The following RAD51B variants were observed in gnomAD, a reference collection of about 807,000 sequenced individuals.
RAD51B encodes RAD51 paralog B.
RAD51B carries 38 observed loss-of-function variants against 42.2 expected under a neutral mutation model. The observed-to-expected ratio is 0.90, with a 90% CI of 0.70 to 1.18. RAD51B has a LOEUF of 1.18. Ranked by LOEUF, RAD51B falls within the 50% of genes most tolerant of loss-of-function variation. The probability of loss-of-function intolerance (pLI) is 0.00; values close to 1 mark genes in which losing one functional copy is unlikely to be tolerated. For synonymous variants in RAD51B, 154 were observed against 145.2 expected, an observed-to-expected ratio of 1.06 and a Z score of -0.43; for missense variants, 373 against 400.7, an observed-to-expected ratio of 0.93 and a Z score of 0.59.
At chr14:68,314,331 T>C (rs1360049795) in intron 8 of RAD51B, among the ~76,000 whole-genome samples, 1 of 152,034 alleles carries the variant, frequency 6.6e-6, no homozygotes, top group Non-Finnish European at 1.5e-5. Context: ...TGCCCGAATG[T>C]CTCTCAGTGG....
intron 10 of RAD51B, among the ~76,000 whole-genome samples, chr14:68,517,284 G>C (rs1886230351): frequency 6.6e-6 from 1 of 151,884 alleles, no homozygotes; most frequent in Non-Finnish European, 1.5e-5. Context: ...GGAGAGGAGG[G>C]GAGGAGAGAA....
At chr14:68,258,070 A>G (rs956264428) in intron 7 of RAD51B, among the ~76,000 whole-genome samples, 1 of 152,128 alleles carries the variant, frequency 6.6e-6, no homozygotes, top group African/African-American at 2.4e-5. Context: ...CCTTCTAATG[A>G]TGAGGTATCT....
rs543138924 is a variant in RAD51B at position 68,229,839 on chromosome 14, C to G, written c.757-62045C>G. Among the ~76,000 whole-genome samples the G allele has an allele frequency of 1.8e-3, 281 of 152,300 alleles. 3 individuals carry two copies. The highest frequency in any genetic ancestry group is 3.0e-3 in the Non-Finnish European group (204 of 68,016). On this transcript the variant is annotated intron_variant, in intron 7 of 10. Transcript: ENST00000471583. ...TTAGGCAAGCCTTCAATTTAGGGGA[C>G]AGGATCAGAGCTGTGTCATAGATCT...
At chr14:68,448,970 T>G (rs2085489209) in intron 9 of RAD51B, among the ~76,000 whole-genome samples, 2 of 152,220 alleles carry the variant, frequency 1.3e-5, no homozygotes, top group Admixed American at 6.5e-5. Flanking sequence ...TCTATGCATA[T>G]ATCAAAATAT....
chr14:67,859,198 A>G (rs780309497), intron 4 of RAD51B, among the ~76,000 whole-genome samples: 3 of 152,216 alleles, frequency 2.0e-5, no homozygotes, highest in Non-Finnish European at 2.9e-5. Flanking sequence ...GTTATTTTCA[A>G]CATACTGGGA....
chr14:68,617,449 C>A (rs1891848720), intron 10 of RAD51B, among the ~76,000 whole-genome samples: 1 of 152,152 alleles, frequency 6.6e-6, no homozygotes, highest in Non-Finnish European at 1.5e-5. Context: ...TCTGGTCATT[C>A]TTTGCCCAGA....
At chr14:68,396,839 G>A (rs1160821972) in intron 8 of RAD51B, among the ~76,000 whole-genome samples, 1 of 152,206 alleles carries the variant, frequency 6.6e-6, no homozygotes, top group Non-Finnish European at 1.5e-5. Context: ...GGGGCGGGGA[G>A]GGGGTAGTTT....
At chr14:68,321,886 G>A (rs1025502008) in intron 8 of RAD51B, among the ~76,000 whole-genome samples, 2 of 151,910 alleles carry the variant, frequency 1.3e-5, no homozygotes, top group African/African-American at 4.8e-5. Context: ...GAGTAGCTGG[G>A]ACCACAGCTA....
At chr14:68,262,169 T>C (rs2080903922) in intron 7 of RAD51B, among the ~76,000 whole-genome samples, 1 of 152,172 alleles carries the variant, frequency 6.6e-6, no homozygotes, top group Admixed American at 6.5e-5. Context: ...GTATTTGTGA[T>C]GTTGTAGACA....
intron 8 of RAD51B, among the ~76,000 whole-genome samples, chr14:68,300,233 A>ATTAT (rs530121745): frequency 0.011 from 1,654 of 151,810 alleles, 37 homozygotes; most frequent in African/African-American, 0.038. Context: ...TCTTCCATTT[A>ATTAT]TTATTTATTT....
intron 7 of RAD51B, among the ~76,000 whole-genome samples, chr14:68,190,688 T>A (rs2588806): frequency 0.8 from 122,418 of 152,086 alleles, 49,692 homozygotes; most frequent in East Asian, 0.98. Flanking sequence ...GACATCAAGA[T>A]GAAAAGTTCA....
chr14:68,315,269 G>A (rs1386343972), intron 8 of RAD51B, among the ~76,000 whole-genome samples: 3 of 152,114 alleles, frequency 2.0e-5, no homozygotes, highest in South Asian at 2.1e-4. Flanking sequence ...GATCTGTAGC[G>A]GGTTATTAAT....
intron 10 of RAD51B, among the ~76,000 whole-genome samples, chr14:68,522,124 G>A (rs1886625051): frequency 6.6e-6 from 1 of 152,200 alleles, no homozygotes; most frequent in Admixed American, 6.5e-5. Flanking sequence ...AGTGGGATGT[G>A]AGCCTGAGTC....
chr14:68,416,907 A>ATCTTCTAC (rs969138751), intron 9 of RAD51B, among the ~76,000 whole-genome samples: 1 of 152,174 alleles, frequency 6.6e-6, no homozygotes, highest in Non-Finnish European at 1.5e-5. Flanking sequence ...CTTTGTTGCT[A>ATCTTCTAC]TCTTCTACAA....
intron 7 of RAD51B, among the ~76,000 whole-genome samples, chr14:68,076,833 A>C (rs2076841284): frequency 6.6e-6 from 1 of 152,236 alleles, no homozygotes; most frequent in Admixed American, 6.5e-5. Flanking sequence ...GAATATAAGA[A>C]ATGATACATC....
chr14:68,564,825 A>G (rs1889343136), intron 10 of RAD51B, among the ~76,000 whole-genome samples: 1 of 152,200 alleles, frequency 6.6e-6, no homozygotes, highest in Non-Finnish European at 1.5e-5. Flanking sequence ...GGTCGCAGAG[A>G]CACACTCAAC....
intron 10 of RAD51B, among the ~76,000 whole-genome samples, chr14:68,550,343 A>G (rs1177157076): frequency 6.6e-6 from 1 of 152,242 alleles, no homozygotes; most frequent in Admixed American, 6.5e-5. Flanking sequence ...TTAAGTGATT[A>G]TTCATGGAAT....
chr14:68,262,649 C>G (rs2080912626), intron 7 of RAD51B, among the ~76,000 whole-genome samples: 1 of 152,102 alleles, frequency 6.6e-6, no homozygotes, highest in Admixed American at 6.5e-5. Context: ...TGATGGGGTT[C>G]AGGACACACT....
At chr14:67,875,818 C>T (rs1224228293) in intron 5 of RAD51B, among the ~76,000 whole-genome samples, 1 of 152,122 alleles carries the variant, frequency 6.6e-6, no homozygotes, top group Non-Finnish European at 1.5e-5. Flanking sequence ...GTGGTAGTGG[C>T]CAGCCATGAC....
Sources: allele counts gnomAD v4.1 joint callset (sites outside exome capture counted in the v4.1 genomes callset), GRCh38; gene constraint gnomAD v4.1.1; transcripts MANE v1.5; gene names NCBI Gene and HGNC (gene_info 2026-07-23, HGNC 2026-07-21).